Variants in CCNA2 observed in about 807,000 individuals in gnomAD.
The protein encoded by CCNA2 is cyclin-A2.
A neutral mutation model predicts 49.4 loss-of-function variants in CCNA2; 3 were observed. That is an observed-to-expected ratio of 0.06 (90% CI 0.03 to 0.16). CCNA2 has a LOEUF of 0.16. Ranked by LOEUF, CCNA2 falls within the 10% of genes least tolerant of loss-of-function variation. CCNA2 has a pLI of 1.00. For synonymous variants in CCNA2, 206 were observed against 197.2 expected, an observed-to-expected ratio of 1.04 and a Z score of -0.37; for missense variants, 372 against 519.7, an observed-to-expected ratio of 0.72 and a Z score of 2.76.
At position 121,818,803 on chromosome 4, in the gene CCNA2, G is replaced by A; in HGVS notation, c.1113C>T (p.Ser371=). 1.3e-6 allele frequency: 2 copies of A among 1,597,062 alleles called. No homozygotes were observed. The highest frequency in any genetic ancestry group is 1.7e-6 in the Non-Finnish European group (2 of 1,164,484). Residue 371 remains serine, a synonymous_variant, in exon 6 of 8, where the codon AGC becomes AGT. Coordinates refer to ENST00000274026, the MANE Select transcript of CCNA2 (RefSeq NM_001237.5). The part of the protein sequence containing the change: ...HLALYTVTGQ[S]WPESLIRKTG... ...GTGTGAAGACCGTAATACATACCCA[G>A]CTTTGTCCCGTGACTGTGTAGAGTG...
rs1245186575 is a variant in CCNA2, at chr4:121,823,832, C to T, written c.-204G>A. On this transcript the variant is annotated 5_prime_UTR_variant, in exon 1 of 8. It adds an upstream start codon to the 5' untranslated region. Coordinates refer to ENST00000274026, the MANE Select transcript of CCNA2 (RefSeq NM_001237.5). The stretch of plus-strand genomic sequence containing the variant: ...AGGTTGCGAAAGGCGCAGGCAGGCA[C>T]TGCCCAGCGTGGCGAGCCAAAGACG... 6 of 968,068 alleles carry T rather than the reference C, an allele frequency of 6.2e-6. No individual in the cohort carries two copies. The highest frequency in any genetic ancestry group is 8.7e-6 in the Non-Finnish European group (6 of 690,460). The allele number at this position is 968,068 out of a possible 1,614,324, so 60.0% of individuals were successfully genotyped here.
chr4:121,823,387 C>T, intron 1 of CCNA2, 29 bp downstream of exon 1: 1 of 1,587,736 alleles, frequency 6.3e-7, no homozygotes, highest in South Asian at 1.1e-5. Context: ...CTCGACCCAC[C>T]CTCCTGCAGA....
Position 121,823,840 on chromosome 4 carries a change from C to T in CCNA2, c.-212G>A. The T allele has an allele frequency of 1.2e-6, 1 of 865,842 alleles. No individual in the cohort carries two copies. Among genetic ancestry groups the T allele is most frequent in the Non-Finnish European group, 1.7e-6 (1 of 604,028 alleles). 53.6% of individuals were successfully genotyped at this position (865,842 alleles called of 1,614,324 possible). On this transcript the variant is annotated 5_prime_UTR_variant, in exon 1 of 8. Transcript: ENST00000274026. ...AAAGGCGCAGGCAGGCACTGCCCAG[C>T]GTGGCGAGCCAAAGACGCCCAGAGA... is the stretch of plus-strand genomic sequence containing the variant.
At position 121,821,074 on chromosome 4, in the gene CCNA2, C is replaced by A; in HGVS notation, c.475G>T (p.Asp159Tyr). The A allele has an allele frequency of 6.2e-7, 1 of 1,612,932 alleles. No homozygotes were observed. Among genetic ancestry groups the A allele is most frequent in the Non-Finnish European group, 8.5e-7 (1 of 1,179,320 alleles). ...TCATCTTCTAATATAATTGACATGT[C>A]CATAGTATGTGGTGACTCTGGGACA... ...DGSFESPHTM[D>Y]MSIILEDEKP... is the part of the protein sequence containing the mutation. The change falls in exon 3 of 8, where the codon GAC becomes TAC. Residue 159 changes from aspartate to tyrosine, a missense_variant. Asp to Tyr is a radical substitution (Grantham distance 160). Around this residue, in one of 2 missense-constraint regions of CCNA2, gnomAD observed 217 missense variants for 231.7 expected, o/e 0.94. Coordinates refer to ENST00000274026, the MANE Select transcript of CCNA2 (RefSeq NM_001237.5).
intron 1 of CCNA2, 60 bp from the exon 2 acceptor site, chr4:121,822,706 G>A: frequency 6.5e-7 from 1 of 1,538,872 alleles, no homozygotes; most frequent in Non-Finnish European, 8.8e-7. Context: ...TCTCTTATGG[G>A]TGTTGGCCTT....
At position 121,820,535 on chromosome 4, in the gene CCNA2, G is replaced by C. The variant is rs1171236963; in HGVS notation, c.794+7C>G. ...GATCACTTTTAAACAAACCAAGGTAGACTTACGAGGCTAACAGCATAGCAG... is the reference window on the plus strand; with the variant it reads ...GATCACTTTTAAACAAACCAAGGTACACTTACGAGGCTAACAGCATAGCAG... On this transcript the variant is annotated splice_region_variant and intron_variant, in intron 4 of 7. Transcript: ENST00000274026. This position sits in a 1 kb window ranked among gnomAD's most constrained non-coding sequence, Gnocchi z 4.1. The C allele has an allele frequency of 6.2e-7, 1 of 1,601,516 alleles. No individual in the cohort carries two copies. The highest frequency in any genetic ancestry group is 1.3e-5 in the African/African-American group (1 of 74,450).
chr4:121,819,453 A>G lies in CCNA2; in HGVS notation c.921T>C (p.Ala307=). 6.2e-7 allele frequency: 1 copy of G among 1,614,110 alleles called. No homozygotes were observed. The highest frequency in any genetic ancestry group is 8.5e-7 in the Non-Finnish European group (1 of 1,179,940). Residue 307 remains alanine (A), a synonymous_variant, in exon 5 of 8, where the codon GCT becomes GCC. Transcript: ENST00000274026. The stretch of plus-strand genomic sequence containing the variant: ...TAAGAAACTGATTTACTGTTGGAGC[A>G]GCTAAGTCAAAAGTAAGGACTTTCA... The part of the protein sequence containing the change: ...LVLKVLTFDL[A]APTVNQFLTQ...
In CCNA2 at chr4:121,823,158, G is replaced by T. The variant is rs182402802; in HGVS notation, c.213+258C>A. Among the ~76,000 whole-genome samples, 481 of 152,260 alleles carry T rather than the reference G, an allele frequency of 3.2e-3. 4 individuals carry two copies. The highest frequency in any genetic ancestry group is 0.011 in the African/African-American group (455 of 41,534). On this transcript the variant is annotated intron_variant, in intron 1 of 7. Coordinates refer to ENST00000274026, the MANE Select transcript of CCNA2 (RefSeq NM_001237.5). Reference sequence around the variant, plus strand: ...CGAAGACTACACGTTTTAGAGCTTGGTTTGACCCCATTATGTACAGGCAGA... The same window carrying T: ...CGAAGACTACACGTTTTAGAGCTTGTTTTGACCCCATTATGTACAGGCAGA...
chr4:121,817,835 T>A, intron 7 of CCNA2, 149 bp from the exon 8 acceptor site: 1 of 1,207,170 alleles, frequency 8.3e-7, no homozygotes, highest in Non-Finnish European at 1.2e-6. Context: ...GTCTGGTCCC[T>A]GAAACACACA....
rs536327566 is a variant in CCNA2 at position 121,817,540 on chromosome 4, A to G, written c.*98T>C. 2.4e-5 allele frequency: 35 copies of G among 1,466,932 alleles called. No homozygotes were observed. The South Asian group carries it at 3.2e-4, about 13-fold the overall frequency. 90.9% of individuals were successfully genotyped at this position (1,466,932 alleles called of 1,614,324 possible). ...ATTTGTACTTGGCCACAACTTCTGT[A>G]TTCAGAAATGATTGTAAAATTAAAA... On this transcript the variant is annotated 3_prime_UTR_variant, in exon 8 of 8. Coordinates refer to ENST00000274026, the MANE Select transcript of CCNA2 (RefSeq NM_001237.5).
chr4:121,822,360 T>A lies in CCNA2; in HGVS notation c.457+43A>T, dbSNP rs578241292. ...GCAAATCATTAATATCATCTAATAA[T>A]TATAATTACCGTAATTCCACACAGA... On this transcript the variant is annotated intron_variant, in intron 2 of 7. Coordinates refer to ENST00000274026, the MANE Select transcript of CCNA2 (RefSeq NM_001237.5). The A allele has an allele frequency of 3.1e-5, 49 of 1,575,482 alleles. No individual in the cohort carries two copies. In the Admixed American group the frequency reaches 8.6e-4, roughly 28 times the overall value.
At chr4:121,818,255 C>T (rs1724598112) in intron 6 of CCNA2, 78 bp from the exon 7 acceptor site, 2 of 1,313,976 alleles carry the variant, frequency 1.5e-6, no homozygotes, top group East Asian at 2.4e-5. Flanking sequence ...TGGCATTAAG[C>T]TTATGTTAAA....
At position 121,817,230 on chromosome 4, in the gene CCNA2, A is replaced by C. The variant is rs1724560250; in HGVS notation, c.*408T>G. 5 of 226,094 alleles carry C rather than the reference A, an allele frequency of 2.2e-5. No homozygotes were observed. In the South Asian group the frequency reaches 4.5e-4, roughly 20 times the overall value. The allele number at this position is 226,094 out of a possible 1,614,324, so 14.0% of individuals were successfully genotyped here. A position where few individuals can be genotyped will look rare whatever the true frequency, so the allele number is the denominator to read the frequency against. ...AGCAAATTGATCCAGTTGCTTAGGA[A>C]AATGAATGTCAGAATTTGAGGGTCT... On this transcript the variant is annotated 3_prime_UTR_variant, in exon 8 of 8. Transcript: ENST00000274026.
Position 121,820,253 on chromosome 4 carries a change from TA to T in CCNA2, c.794+288del, listed in dbSNP as rs1048334706. Among the ~76,000 whole-genome samples the T allele has an allele frequency of 6.6e-6, 1 of 152,168 alleles. No homozygotes were observed. The highest frequency in any genetic ancestry group is 2.4e-5 in the African/African-American group (1 of 41,438). On this transcript the variant is annotated intron_variant, in intron 4 of 7. Coordinates refer to ENST00000274026, the MANE Select transcript of CCNA2 (RefSeq NM_001237.5). The surrounding 1 kb of genome is among the most constrained non-coding windows in gnomAD (Gnocchi z 4.1). The stretch of plus-strand genomic sequence containing the variant: ...ACCGCACCCAGCCTTTACTTCTTAA[TA>T]AAAGAGACACTGCTTATATGCCAGA...
rs1724662435 is a variant in CCNA2, at chr4:121,820,367, T to A, written c.794+175A>T. Among the ~76,000 whole-genome samples the A allele has an allele frequency of 6.6e-6, 1 of 152,184 alleles. No homozygotes were observed. Among genetic ancestry groups the A allele is most frequent in the African/African-American group, 2.4e-5 (1 of 41,434 alleles). ...GAATCCAGTTGGGGGAAAATTAGTG[T>A]TCTAGATTAGAACAGTTTCATCCTC... On this transcript the variant is annotated intron_variant, in intron 4 of 7. Transcript: ENST00000274026. The surrounding 1 kb of genome is among the most constrained non-coding windows in gnomAD (Gnocchi z 4.1).
intron 2 of CCNA2, 41 bp from the exon 3 acceptor site, chr4:121,821,132 C>T (rs1344741176): frequency 2.5e-6 from 4 of 1,588,036 alleles, no homozygotes; most frequent in Non-Finnish European, 3.4e-6. Flanking sequence ...AATTGTTTGC[C>T]TATTTAGTTT....
In CCNA2 at chr4:121,822,456, G is replaced by C. The variant is rs760490256; in HGVS notation, c.404C>G (p.Pro135Arg). Reference protein sequence around the residue: ...ALAFNSAISLPGPRKPLVPLD... With the variant: ...ALAFNSAISLRGPRKPLVPLD... ...AGGGACCAATGGTTTTCTGGGTCCAGGTAAACTAATGGCTGAATTAAAAGC... is the reference window on the plus strand; with the variant it reads ...AGGGACCAATGGTTTTCTGGGTCCACGTAAACTAATGGCTGAATTAAAAGC... Residue 135 changes from proline (P) to arginine (R), a missense_variant, in exon 2 of 8, where the codon CCT (proline) becomes CGT (arginine). Physicochemically the swap from Pro to Arg is moderately radical, Grantham distance 103. This residue lies in a region of CCNA2 where 217 missense variants were observed against 231.7 expected (regional missense o/e 0.94). Transcript: ENST00000274026. The C allele has an allele frequency of 8.7e-6, 14 of 1,613,960 alleles. No homozygotes were observed. Among genetic ancestry groups the C allele is most frequent in the Admixed American group, 8.3e-5 (5 of 59,994 alleles).
chr4:121,823,836 C>T lies in CCNA2; in HGVS notation c.-208G>A. The T allele has an allele frequency of 1.1e-6, 1 of 917,310 alleles. No homozygotes were observed. Among genetic ancestry groups the T allele is most frequent in the Non-Finnish European group, 1.5e-6 (1 of 649,476 alleles). The allele number at this position is 917,310 out of a possible 1,614,324, so 56.8% of individuals were successfully genotyped here. ...TGCGAAAGGCGCAGGCAGGCACTGC[C>T]CAGCGTGGCGAGCCAAAGACGCCCA... On this transcript the variant is annotated 5_prime_UTR_variant, in exon 1 of 8. Coordinates refer to ENST00000274026, the MANE Select transcript of CCNA2 (RefSeq NM_001237.5).
At position 121,817,601 on chromosome 4, in the gene CCNA2, G is replaced by A. The variant is rs777203965; in HGVS notation, c.*37C>T. 6.2e-7 allele frequency: 1 copy of A among 1,612,996 alleles called. No homozygotes were observed. The highest frequency in any genetic ancestry group is 8.5e-7 in the Non-Finnish European group (1 of 1,179,364). ...AAACTGTACACCATATACTTTGAGT[G>A]ATTTACATCTTAGAAAACAAAGGCA... On this transcript the variant is annotated 3_prime_UTR_variant, in exon 8 of 8. Coordinates refer to ENST00000274026, the MANE Select transcript of CCNA2 (RefSeq NM_001237.5).
Sources: allele counts gnomAD v4.1 joint callset (sites outside exome capture counted in the v4.1 genomes callset), GRCh38; gene constraint gnomAD v4.1.1; regional missense constraint gnomAD v4.1.1; non-coding constraint Gnocchi (gnomAD v3.1); transcripts MANE v1.5; gene names NCBI Gene and HGNC (gene_info 2026-07-23, HGNC 2026-07-21).